The following AGL variants were observed in gnomAD, a reference collection of about 807,000 sequenced individuals.
AGL encodes amylo-alpha-1,6-glucosidase and 4-alpha-glucanotransferase.
A neutral mutation model predicts 199.3 loss-of-function variants in AGL; 128 were observed. That is an observed-to-expected ratio of 0.64 (90% CI 0.56 to 0.74). AGL has a LOEUF of 0.74. Among genes scored for constraint, AGL ranks in the 30% least tolerant of loss-of-function variants. The pLI is 0.00. For missense variants in AGL, 1,809 were observed against 1,820.8 expected (o/e 0.99, Z 0.12); for synonymous variants, 584 against 594.7 (o/e 0.98, Z 0.26).
chr1:99,896,903 G>A (rs1272746939), intron 25 of AGL, among the ~76,000 whole-genome samples: 6 of 152,050 alleles, frequency 3.9e-5, no homozygotes, highest in South Asian at 2.1e-4. Flanking sequence ...CTCCGACTCC[G>A]CCTCCCGGGT....
chr1:99,865,707 C>T (rs1255919233), intron 5 of AGL, among the ~76,000 whole-genome samples: 1 of 152,188 alleles, frequency 6.6e-6, no homozygotes, highest in African/African-American at 2.4e-5. Flanking sequence ...AACAAGAATT[C>T]TAGTTGGTAC....
At chr1:99,907,338 T>G (rs1051189812) in intron 27 of AGL, among the ~76,000 whole-genome samples, 1 of 152,222 alleles carries the variant, frequency 6.6e-6, no homozygotes, top group Admixed American at 6.5e-5. Flanking sequence ...CCACATTTTG[T>G]GTTTCCATTC....
intron 2 of AGL, among the ~76,000 whole-genome samples, chr1:99,851,334 A>G (rs1648935842): frequency 6.6e-6 from 1 of 152,234 alleles, no homozygotes. Context: ...GTGTTAGGAT[A>G]AGGATAAAAT....
rs754359314 is a variant in AGL at position 99,916,468 on chromosome 1, G to A, written c.4318G>A (p.Ala1440Thr). ...ATTAGACAATGACAACTACAATCTT[G>A]CTAAAGGTTTCAATTATCACCAAGG... ...NALDNDNYNL[A>T]KGFNYHQGPE... Residue 1440 changes from alanine (A) to threonine (T), a missense_variant, in exon 32 of 34, where the codon GCT (alanine) becomes ACT (threonine). Ala to Thr is a moderately conservative substitution (Grantham distance 58). Transcript: ENST00000361915. 6 of 1,612,396 alleles carry A rather than the reference G, an allele frequency of 3.7e-6. No individual in the cohort carries two copies. Among genetic ancestry groups the A allele is most frequent in the Non-Finnish European group, 4.2e-6 (5 of 1,179,090 alleles).
chr1:99,891,043 T>C lies in AGL; in HGVS notation c.2813-177T>C, dbSNP rs115023183. ...TGTAACTTGGCTCAAGCCAGTATTGTCATACTTATCTCCAACTGTATTAAG... is the reference window on the plus strand; with the variant it reads ...TGTAACTTGGCTCAAGCCAGTATTGCCATACTTATCTCCAACTGTATTAAG... On this transcript the variant is annotated intron_variant, in intron 21 of 33. Coordinates refer to ENST00000361915, the MANE Select transcript of AGL (RefSeq NM_000642.3). 4.3e-3 allele frequency among the ~76,000 whole-genome samples: 655 copies of C among 152,244 alleles called. 1 individual carries two copies. The highest frequency in any genetic ancestry group is 0.015 in the African/African-American group (619 of 41,558).
At chr1:99,877,091 C>T (rs3766595) in intron 11 of AGL, among the ~76,000 whole-genome samples, 74,434 of 151,910 alleles carry the variant, frequency 0.49, 18,848 homozygotes, top group East Asian at 0.67. Context: ...GTTGCAGGAG[C>T]CCATTGATAT....
chr1:99,909,785 A>AT (rs1372225949), intron 27 of AGL, among the ~76,000 whole-genome samples: 1 of 151,828 alleles, frequency 6.6e-6, no homozygotes, highest in Non-Finnish European at 1.5e-5. Flanking sequence ...ATGCTCAGGG[A>AT]TTTTCATTGT....
At chr1:99,919,654 TAC>T (rs1438631503) in intron 33 of AGL, among the ~76,000 whole-genome samples, 1 of 152,260 alleles carries the variant, frequency 6.6e-6, no homozygotes, top group Non-Finnish European at 1.5e-5. Flanking sequence ...AACCTGAGTT[TAC>T]ACCAGTTCCA....
rs1652018087 is a variant in AGL at position 99,881,434 on chromosome 1, A to G, written c.2144A>G (p.Lys715Arg). The G allele has an allele frequency of 1.2e-6, 2 of 1,614,094 alleles. No homozygotes were observed. The highest frequency in any genetic ancestry group is 1.1e-5 in the South Asian group (1 of 91,084). The change falls in exon 16 of 34, where the codon AAG (lysine) becomes AGG (arginine). Residue 715 changes from lysine to arginine, a missense_variant. Lys to Arg is a conservative substitution (Grantham distance 26). Transcript: ENST00000361915. ...ISKLHQELGA[K>R]GFIQVYVDQV... ...AAACTTCATCAGGAGCTTGGAGCCA[A>G]GGGTTTTATTCAGGCAAGAAATAAT... is the stretch of plus-strand genomic sequence containing the variant.
At chr1:99,885,611 G>C (rs1441729303) in intron 20 of AGL, among the ~76,000 whole-genome samples, 1 of 152,084 alleles carries the variant, frequency 6.6e-6, no homozygotes, top group Non-Finnish European at 1.5e-5. Flanking sequence ...CCTCCTGTCA[G>C]ATCAGTGGCT....
At chr1:99,891,866 G>A in intron 23 of AGL, 127 bp downstream of exon 23, 1 of 1,095,412 alleles carries the variant, frequency 9.1e-7, no homozygotes, top group Non-Finnish European at 1.4e-6. Flanking sequence ...GCTTGTAGGT[G>A]GATAGTAAAT....
chr1:99,892,315 T>C (rs1652956827), intron 23 of AGL, 117 bp from the exon 24 acceptor site: 6 of 926,644 alleles, frequency 6.5e-6, no homozygotes, highest in Non-Finnish European at 9.9e-6. Flanking sequence ...TGTTAAGTAA[T>C]ATTACTATTG....
chr1:99,854,605 A>T (rs1033562561), intron 2 of AGL, among the ~76,000 whole-genome samples: 1 of 151,810 alleles, frequency 6.6e-6, no homozygotes, highest in African/African-American at 2.4e-5. Context: ...TACTAAAAAT[A>T]CAAAAAAAAT....
At chr1:99,882,229 C>T (rs989739810) in intron 17 of AGL, among the ~76,000 whole-genome samples, 2 of 151,224 alleles carry the variant, frequency 1.3e-5, no homozygotes, top group Non-Finnish European at 2.9e-5. Context: ...CAAATGTTAA[C>T]ATTTTTTGAG....
chr1:99,860,342 T>C (rs1347554302), intron 2 of AGL, among the ~76,000 whole-genome samples: 15 of 152,024 alleles, frequency 9.9e-5, no homozygotes, highest in Admixed American at 9.8e-4. Flanking sequence ...AAGATTTTAC[T>C]CAGTGGAACT....
rs987386492 is a variant in AGL, at chr1:99,876,683, C to T, written c.1423+86C>T. 1.4e-4 allele frequency: 209 copies of T among 1,446,964 alleles called. 1 individual carries two copies. The highest frequency in any genetic ancestry group is 1.6e-4 in the Non-Finnish European group (168 of 1,029,992). The allele number at this position is 1,446,964 out of a possible 1,614,324, so 89.6% of individuals were successfully genotyped here. A position where few individuals can be genotyped will look rare whatever the true frequency, so the allele number is the denominator to read the frequency against. The stretch of plus-strand genomic sequence containing the variant: ...AAAATCTGCTTTACTGATTTTCTTC[C>T]CCATTAGTCTATTGGTTTTTAAATA... On this transcript the variant is annotated intron_variant, in intron 11 of 33. Coordinates refer to ENST00000361915, the MANE Select transcript of AGL (RefSeq NM_000642.3).
intron 16 of AGL, 23 bp from the exon 17 acceptor site, chr1:99,881,518 T>G: frequency 3.1e-6 from 5 of 1,613,996 alleles, no homozygotes; most frequent in Non-Finnish European, 4.2e-6. Context: ...AGAGCTAATC[T>G]AGTTGTTCTT....
intron 31 of AGL, 36 bp downstream of exon 31, chr1:99,915,522 A>G: frequency 1.3e-6 from 2 of 1,502,658 alleles, no homozygotes; most frequent in East Asian, 4.5e-5. Flanking sequence ...ATGTTATCAT[A>G]TTTAATCCAA....
intron 5 of AGL, among the ~76,000 whole-genome samples, chr1:99,867,562 C>CTT (rs778624673): frequency 6.9e-6 from 1 of 145,826 alleles, no homozygotes; most frequent in Non-Finnish European, 1.5e-5. Context: ...TTTTTTTTCT[C>CTT]TTTTTTTTTT....
Sources: gnomAD v4.1 joint callset for allele counts (sites outside exome capture counted in the v4.1 genomes callset) on GRCh38, gnomAD v4.1.1 for gene constraint, MANE v1.5 for transcripts, NCBI Gene and HGNC (gene_info 2026-07-23, HGNC 2026-07-21) for gene names.